Variants in AGAP1 observed in about 807,000 individuals in gnomAD.
The protein encoded by AGAP1 is ArfGAP with GTPase domain, ankyrin repeat and PH domain 1.
In AGAP1, 29 loss-of-function variants were observed where a neutral mutation model predicts 105.3. The observed-to-expected ratio is 0.28, with a 90% CI of 0.21 to 0.38. The LOEUF is 0.38. AGAP1 is among the 10% of genes least tolerant of loss of function. AGAP1 has a pLI of 1.00. For missense variants in AGAP1, 998 were observed against 1,165.1 expected (o/e 0.86, Z 2.09); for synonymous variants, 509 against 485.9 (o/e 1.05, Z -0.63).
At chr2:235,666,213 A>T (rs902607149) in intron 1 of AGAP1, among the ~76,000 whole-genome samples, 2 of 143,192 alleles carry the variant, frequency 1.4e-5, no homozygotes, top group Non-Finnish European at 3.1e-5. Flanking sequence ...TACATGCTTT[A>T]AAAAAAAAAA....
At position 235,973,213 on chromosome 2, in the gene AGAP1, G is replaced by C. The variant is rs569830296; in HGVS notation, c.1645+4590G>C. 7.9e-5 allele frequency among the ~76,000 whole-genome samples: 12 copies of C among 152,252 alleles called. No individual in the cohort carries two copies. Among genetic ancestry groups the C allele is most frequent in the South Asian group, 4.1e-4 (2 of 4,820 alleles). On this transcript the variant is annotated intron_variant, in intron 13 of 17. Coordinates refer to ENST00000304032, the MANE Select transcript of AGAP1 (RefSeq NM_001037131.3). This position sits in a 1 kb window ranked among gnomAD's most constrained non-coding sequence, Gnocchi z 4.7. ...TGCTCGCTGTGCTCTTTTTGCTGAAGAACAGCCACTTTGTTCTGCACCAGA... is the reference window on the plus strand; with the variant it reads ...TGCTCGCTGTGCTCTTTTTGCTGAACAACAGCCACTTTGTTCTGCACCAGA...
chr2:235,555,068 C>T lies in AGAP1; in HGVS notation c.163+60219C>T, dbSNP rs533419708. ...GGTGGAGCAGTTGCCTTCTCAGCAT[C>T]GTGGGGTGGGGCTGGGATGAGGAGA... On this transcript the variant is annotated intron_variant, in intron 1 of 17. Transcript: ENST00000304032. The surrounding 1 kb of genome is among the most constrained non-coding windows in gnomAD (Gnocchi z 5.1). 3.3e-5 allele frequency among the ~76,000 whole-genome samples: 5 copies of T among 152,286 alleles called. No homozygotes were observed. Among genetic ancestry groups the T allele is most frequent in the South Asian group, 2.1e-4 (1 of 4,822 alleles).
chr2:235,766,768 G>A (rs1382723380), intron 6 of AGAP1, among the ~76,000 whole-genome samples: 1 of 152,180 alleles, frequency 6.6e-6, no homozygotes, highest in Non-Finnish European at 1.5e-5. Flanking sequence ...TTGAGAAGGA[G>A]TCTGGCTCTG....
At chr2:235,926,024 C>T (rs1235943834) in intron 11 of AGAP1, among the ~76,000 whole-genome samples, 1 of 152,112 alleles carries the variant, frequency 6.6e-6, no homozygotes, top group East Asian at 1.9e-4. Context: ...TTTTTTTATG[C>T]TTAAAGATAT....
chr2:235,507,048 C>T (rs1284182134), intron 1 of AGAP1: 2 of 153,226 alleles, frequency 1.3e-5, no homozygotes, highest in African/African-American at 2.4e-5. Flanking sequence ...GCGACCCTGA[C>T]TTAGGACCTC....
At position 235,732,957 on chromosome 2, in the gene AGAP1, G is replaced by A. The variant is rs554713761; in HGVS notation, c.311-8006G>A. ...GCATCTTTCGAGTCTCACTGCCCAC[G>A]CTGTGGGAGCTGAGACTGGATGCTG... On this transcript the variant is annotated intron_variant, in intron 3 of 17. Transcript: ENST00000304032. The surrounding 1 kb of genome is among the most constrained non-coding windows in gnomAD (Gnocchi z 4.8). Among the ~76,000 whole-genome samples the A allele has an allele frequency of 6.6e-6, 1 of 152,270 alleles. No homozygotes were observed. The highest frequency in any genetic ancestry group is 2.4e-5 in the African/African-American group (1 of 41,560).
intron 12 of AGAP1, among the ~76,000 whole-genome samples, chr2:235,952,640 C>G (rs934375142): frequency 7.9e-5 from 12 of 152,052 alleles, no homozygotes; most frequent in Non-Finnish European, 1.5e-4. Flanking sequence ...CTGTTTTGTT[C>G]CACTACTATT....
chr2:235,833,763 C>T (rs4061072), intron 9 of AGAP1, among the ~76,000 whole-genome samples: 109,687 of 151,780 alleles, frequency 0.72, 40,228 homozygotes, highest in East Asian at 0.99. Flanking sequence ...CACACACTTA[C>T]ATGTGTGCAT....
chr2:235,959,180 T>C lies in AGAP1; in HGVS notation c.1484-9282T>C, dbSNP rs2054074888. Among the ~76,000 whole-genome samples, 3 of 152,200 alleles carry C rather than the reference T, an allele frequency of 2.0e-5. No homozygotes were observed. The South Asian group carries it at 6.2e-4, about 32-fold the overall frequency. ...CTTAACGCCGTCGACAGTAGTCGTC[T>C]GTCCCGGTGCCCGGTAATTGATACA... is the stretch of plus-strand genomic sequence containing the variant. On this transcript the variant is annotated intron_variant, in intron 12 of 17. Transcript: ENST00000304032. The surrounding 1 kb of genome is among the most constrained non-coding windows in gnomAD (Gnocchi z 7.3).
chr2:235,949,942 C>T (rs183872738), intron 12 of AGAP1, among the ~76,000 whole-genome samples: 52 of 152,308 alleles, frequency 3.4e-4, no homozygotes, highest in African/African-American at 1.2e-3. Context: ...ACTGGAATTT[C>T]GTGGAAGAAA....
Position 235,612,006 on chromosome 2 carries a change from A to C in AGAP1, c.164-97173A>C, listed in dbSNP as rs553476777. Among the ~76,000 whole-genome samples the C allele has an allele frequency of 1.3e-5, 2 of 152,158 alleles. No individual in the cohort carries two copies. Among genetic ancestry groups the C allele is most frequent in the South Asian group, 4.1e-4 (2 of 4,820 alleles). ...CCTCCCTGCTAGGCAGTCCTCCATC[A>C]ATACTGATGTTAATAATTATGTAAA... On this transcript the variant is annotated intron_variant, in intron 1 of 17. Transcript: ENST00000304032. The surrounding 1 kb of genome is among the most constrained non-coding windows in gnomAD (Gnocchi z 4.3).
chr2:235,809,703 C>T (rs1225615672), intron 9 of AGAP1, among the ~76,000 whole-genome samples: 1 of 152,076 alleles, frequency 6.6e-6, no homozygotes, highest in Non-Finnish European at 1.5e-5. Flanking sequence ...CTGTGTGTAC[C>T]CTTGTTTCTA....
chr2:235,647,784 C>T (rs2149317646), intron 1 of AGAP1, among the ~76,000 whole-genome samples: 1 of 152,162 alleles, frequency 6.6e-6, no homozygotes, highest in East Asian at 1.9e-4. Flanking sequence ...CTAATTTCAT[C>T]CTGATTTTAC....
intron 13 of AGAP1, among the ~76,000 whole-genome samples, chr2:236,033,414 C>T (rs986536529): frequency 6.6e-6 from 1 of 152,174 alleles, no homozygotes; most frequent in Admixed American, 6.5e-5. Flanking sequence ...CATAATTAAT[C>T]GGGCAGAGCC....
intron 1 of AGAP1, among the ~76,000 whole-genome samples, chr2:235,581,163 C>T (rs987694650): frequency 7.6e-5 from 11 of 145,378 alleles, no homozygotes; most frequent in South Asian, 2.2e-4. Flanking sequence ...AAAAAAATGC[C>T]GGGCATGGTG....
rs2058951434 is a variant in AGAP1 at position 236,087,178 on chromosome 2, C to G, written c.2115-33014C>G. ...CTTCTGGGAATCCAATAAATTGTTT[C>G]AGGAAGTGAAAGTCTGTCCAGGCTA... On this transcript the variant is annotated intron_variant, in intron 16 of 17. Coordinates refer to ENST00000304032, the MANE Select transcript of AGAP1 (RefSeq NM_001037131.3). This position sits in a 1 kb window ranked among gnomAD's most constrained non-coding sequence, Gnocchi z 5.7. Among the ~76,000 whole-genome samples the G allele has an allele frequency of 1.3e-5, 2 of 152,192 alleles. No homozygotes were observed. The highest frequency in any genetic ancestry group is 1.3e-4 in the Admixed American group (2 of 15,288).
chr2:235,754,487 CT>C lies in AGAP1; in HGVS notation c.673+4000del, dbSNP rs1953746520. The stretch of plus-strand genomic sequence containing the variant: ...CTGCGGAGGCCATGTTCCTGATTGG[CT>C]CTGTACCGAGGTTCATTTAAAAGGC... On this transcript the variant is annotated intron_variant, in intron 6 of 17. Coordinates refer to ENST00000304032, the MANE Select transcript of AGAP1 (RefSeq NM_001037131.3). This position sits in a 1 kb window ranked among gnomAD's most constrained non-coding sequence, Gnocchi z 4.6. Among the ~76,000 whole-genome samples, 1 of 151,710 alleles carries C rather than the reference CT, an allele frequency of 6.6e-6. No individual in the cohort carries two copies. The highest frequency in any genetic ancestry group is 2.1e-4 in the South Asian group (1 of 4,810).
chr2:235,946,101 C>T (rs2053486613), intron 12 of AGAP1, among the ~76,000 whole-genome samples: 1 of 132,252 alleles, frequency 7.6e-6, no homozygotes. Flanking sequence ...TGCATTTTTC[C>T]CCTAATTAAA....
In AGAP1 at chr2:235,777,349, C is replaced by CA. The variant is rs933292638; in HGVS notation, c.674-20401dup. Among the ~76,000 whole-genome samples the CA allele has an allele frequency of 1.3e-4, 19 of 150,144 alleles. No homozygotes were observed. The highest frequency in any genetic ancestry group is 2.2e-4 in the African/African-American group (9 of 40,974). ...TGGGTGACAGAGCGAGACTCTGTCT[C>CA]AAAAAAAAAGACAAAAGTGATTTCC... is the stretch of plus-strand genomic sequence containing the variant. On this transcript the variant is annotated intron_variant, in intron 6 of 17. Coordinates refer to ENST00000304032, the MANE Select transcript of AGAP1 (RefSeq NM_001037131.3). The surrounding 1 kb of genome is among the most constrained non-coding windows in gnomAD (Gnocchi z 5.1).
Sources: gnomAD v4.1 joint callset for allele counts (sites outside exome capture counted in the v4.1 genomes callset) on GRCh38, gnomAD v4.1.1 for gene constraint, Gnocchi (gnomAD v3.1) non-coding constraint, MANE v1.5 for transcripts, NCBI Gene and HGNC (gene_info 2026-07-23, HGNC 2026-07-21) for gene names.